Variants in KCNIP4 observed in about 807,000 individuals in gnomAD.
KCNIP4 encodes Kv channel-interacting protein 4.
In KCNIP4, 12 loss-of-function variants were observed where a neutral mutation model predicts 34.0. The observed-to-expected ratio is 0.35, with a 90% confidence interval of 0.23 to 0.57. The LOEUF is 0.57. Among genes scored for constraint, KCNIP4 ranks in the 20% least tolerant of loss-of-function variants. KCNIP4 has a pLI of 0.83. For synonymous variants in KCNIP4, 124 were observed against 102.2 expected (o/e 1.21, Z -1.29); for missense variants, 238 against 311.7 (o/e 0.76, Z 1.78).
intron 4 of KCNIP4, among the ~76,000 whole-genome samples, chr4:20,758,500 A>T (rs188981999): frequency 1.6e-4 from 24 of 152,266 alleles, no homozygotes; most frequent in Admixed American, 2.6e-4. Flanking sequence ...ATCAAGTGAG[A>T]CCTACAATGC....
intron 1 of KCNIP4, among the ~76,000 whole-genome samples, chr4:21,007,357 T>C (rs1368819679): frequency 6.6e-6 from 1 of 152,198 alleles, no homozygotes; most frequent in Non-Finnish European, 1.5e-5. Flanking sequence ...GGACTGGCAG[T>C]GTCCATGTTC....
chr4:21,200,575 G>T lies in KCNIP4; in HGVS notation c.62-317866C>A, dbSNP rs370305154. On this transcript the variant is annotated intron_variant, in intron 1 of 8. Coordinates refer to ENST00000382152, the MANE Select transcript of KCNIP4 (RefSeq NM_025221.6). ...TATTGCATGTTCTCACTAAGTGGGAGCTAAACTATGGGTATGAAAAGGCAT... is the reference window on the plus strand; with the variant it reads ...TATTGCATGTTCTCACTAAGTGGGATCTAAACTATGGGTATGAAAAGGCAT... 2.4e-3 allele frequency among the ~76,000 whole-genome samples: 371 copies of T among 151,952 alleles called. 1 individual carries two copies. Among genetic ancestry groups the T allele is most frequent in the South Asian group, 0.021 (99 of 4,812 alleles).
At chr4:21,793,719 A>T (rs1720441325) in intron 1 of KCNIP4, among the ~76,000 whole-genome samples, 1 of 152,226 alleles carries the variant, frequency 6.6e-6, no homozygotes, top group Admixed American at 6.5e-5. Flanking sequence ...GCCCATATAA[A>T]TTGTCTTCCA....
intron 1 of KCNIP4, among the ~76,000 whole-genome samples, chr4:21,167,765 C>T (rs1160175799): frequency 1.3e-5 from 2 of 152,152 alleles, no homozygotes; most frequent in Non-Finnish European, 2.9e-5. Context: ...TGAAAGTCCT[C>T]CTGCTCATTT....
At chr4:21,915,154 T>C (rs1728559792) in intron 1 of KCNIP4, among the ~76,000 whole-genome samples, 1 of 152,204 alleles carries the variant, frequency 6.6e-6, no homozygotes, top group Non-Finnish European at 1.5e-5. Flanking sequence ...TCAACTCTGC[T>C]GTTATAAACA....
intron 1 of KCNIP4, among the ~76,000 whole-genome samples, chr4:21,295,667 T>C (rs1763796422): frequency 6.6e-6 from 1 of 152,166 alleles, no homozygotes; most frequent in Non-Finnish European, 1.5e-5. Context: ...CATTTAAGTA[T>C]TTTCAAACAA....
intron 1 of KCNIP4, among the ~76,000 whole-genome samples, chr4:21,934,325 T>C (rs1479106767): frequency 6.6e-6 from 1 of 151,948 alleles, no homozygotes; most frequent in East Asian, 1.9e-4. Context: ...CAACTCAAGC[T>C]CAGGGAGGCC....
intron 1 of KCNIP4, among the ~76,000 whole-genome samples, chr4:21,004,357 C>T (rs1738380436): frequency 6.6e-6 from 1 of 152,180 alleles, no homozygotes; most frequent in African/African-American, 2.4e-5. Flanking sequence ...CTAACTTGGA[C>T]AACTGATGAA....
Position 21,948,753 on chromosome 4 carries a change from A to G in KCNIP4, c.-122T>C. ...GGGGGCGTCCGTGGCGCTGGGAGCG[A>G]GAGCTTCGGCGGCGGCTGCGGGCAG... On this transcript the variant is annotated 5_prime_UTR_variant, in exon 1 of 9. Coordinates refer to ENST00000382152, the MANE Select transcript of KCNIP4 (RefSeq NM_025221.6). 2.5e-6 allele frequency: 3 copies of G among 1,201,740 alleles called. No homozygotes were observed. In the South Asian group the frequency reaches 1.1e-4, roughly 45 times the overall value. The allele number at this position is 1,201,740 out of a possible 1,614,324, so 74.4% of individuals were successfully genotyped here.
chr4:21,130,950 T>C (rs1751022414), intron 1 of KCNIP4, among the ~76,000 whole-genome samples: 1 of 152,158 alleles, frequency 6.6e-6, no homozygotes, highest in Non-Finnish European at 1.5e-5. Context: ...ACTTACAAAA[T>C]CATAAGTCAA....
At chr4:21,390,802 A>T (rs1460938792) in intron 1 of KCNIP4, among the ~76,000 whole-genome samples, 2 of 152,130 alleles carry the variant, frequency 1.3e-5, no homozygotes, top group Non-Finnish European at 2.9e-5. Flanking sequence ...TTTTGGTTCC[A>T]TATGAACATA....
At chr4:21,862,996 C>G (rs1332684824) in intron 1 of KCNIP4, among the ~76,000 whole-genome samples, 2 of 151,454 alleles carry the variant, frequency 1.3e-5, no homozygotes, top group South Asian at 4.2e-4. Flanking sequence ...GTAGAATTCT[C>G]AAACATTCAC....
intron 1 of KCNIP4, chr4:21,697,561 C>T (rs1712475633): frequency 1.4e-6 from 2 of 1,414,266 alleles, no homozygotes; most frequent in Non-Finnish European, 1.8e-6. Context: ...GGCTGCCTTA[C>T]AACTCCTGTG....
At chr4:21,937,524 T>C (rs1264484326) in intron 1 of KCNIP4, among the ~76,000 whole-genome samples, 1 of 152,130 alleles carries the variant, frequency 6.6e-6, no homozygotes, top group African/African-American at 2.4e-5. Flanking sequence ...AATTTGATGG[T>C]CTTCTATCCA....
At chr4:21,654,779 T>C (rs1963624) in intron 1 of KCNIP4, among the ~76,000 whole-genome samples, 48,707 of 151,640 alleles carry the variant, frequency 0.32, 9,359 homozygotes, top group East Asian at 0.9. Context: ...AAAAAATTAG[T>C]CGGGTGTGGT....
intron 1 of KCNIP4, among the ~76,000 whole-genome samples, chr4:21,578,202 C>T (rs780575997): frequency 1.8e-4 from 27 of 151,782 alleles, no homozygotes; most frequent in Non-Finnish European, 3.5e-4. Context: ...GGCGTGGTAG[C>T]GGGCACCTGT....
intron 1 of KCNIP4, among the ~76,000 whole-genome samples, chr4:21,581,756 A>C (rs1318309922): frequency 1.3e-5 from 2 of 151,910 alleles, no homozygotes; most frequent in Non-Finnish European, 2.9e-5. Context: ...CACTTGAAGA[A>C]CTGCCTCCTT....
chr4:21,252,723 T>C (rs12649728), intron 1 of KCNIP4, among the ~76,000 whole-genome samples: 3,253 of 151,022 alleles, frequency 0.022, 82 homozygotes, highest in East Asian at 0.15. Context: ...GGTACTAAAT[T>C]AGAAATATCC....
chr4:21,348,345 G>T lies in KCNIP4; in HGVS notation c.62-465636C>A, dbSNP rs758267764. Among the ~76,000 whole-genome samples the T allele has an allele frequency of 5.1e-4, 77 of 152,164 alleles. 1 individual carries two copies. Among genetic ancestry groups the T allele is most frequent in the Non-Finnish European group, 8.4e-4 (57 of 68,036 alleles). On this transcript the variant is annotated intron_variant, in intron 1 of 8. Coordinates refer to ENST00000382152, the MANE Select transcript of KCNIP4 (RefSeq NM_025221.6). Reference sequence around the variant, plus strand: ...AAAAGCTTACAAAATAGACACAGTTGTCTCTGCCAGGTTATACTGCAAAGA... The same window carrying T: ...AAAAGCTTACAAAATAGACACAGTTTTCTCTGCCAGGTTATACTGCAAAGA...
Sources: allele counts gnomAD v4.1 joint callset (sites outside exome capture counted in the v4.1 genomes callset), GRCh38; gene constraint gnomAD v4.1.1; transcripts MANE v1.5; gene names NCBI Gene and HGNC (gene_info 2026-07-23, HGNC 2026-07-21).